Variants in LRRC4C observed in about 807,000 individuals in gnomAD.
The protein encoded by LRRC4C is leucine rich repeat containing 4C, also known as leucine-rich repeat-containing protein 4C.
LRRC4C carries 5 observed loss-of-function variants against 33.6 expected under a neutral mutation model. The ratio of observed to expected loss-of-function variants is 0.15; its 90% confidence interval spans 0.08 to 0.31. LRRC4C has a LOEUF of 0.31. Among genes scored for constraint, LRRC4C ranks in the 10% least tolerant of loss-of-function variants. LRRC4C has a pLI of 1.00. For missense variants in LRRC4C, 560 were observed against 796.7 expected, an observed-to-expected ratio of 0.70 and a Z score of 3.58; for synonymous variants, 329 against 302.0, an observed-to-expected ratio of 1.09 and a Z score of -0.93.
intron 5 of LRRC4C, among the ~76,000 whole-genome samples, chr11:40,222,505 T>A (rs1864491602): frequency 6.6e-6 from 1 of 152,210 alleles, no homozygotes; most frequent in South Asian, 2.1e-4. Flanking sequence ...TTAAATCTTC[T>A]TTATAAACTT....
chr11:40,306,166 T>G (rs1366697495), intron 4 of LRRC4C, among the ~76,000 whole-genome samples: 1 of 152,218 alleles, frequency 6.6e-6, no homozygotes, highest in African/African-American at 2.4e-5. Flanking sequence ...AAAACTATTT[T>G]TTGGAAGTAT....
intron 1 of LRRC4C, among the ~76,000 whole-genome samples, chr11:41,252,130 T>A (rs1403390516): frequency 1.3e-5 from 2 of 152,116 alleles, no homozygotes; most frequent in Non-Finnish European, 2.9e-5. Flanking sequence ...ATTCAAGACA[T>A]TGCAATAAGG....
At position 40,788,808 on chromosome 11, in the gene LRRC4C, A is replaced by G. The variant is rs561299802; in HGVS notation, c.-406-140530T>C. ...ACTAAAATTTCTGTAAAAAATGCAT[A>G]TTAGGCCGGGCACGGTGGCTCACGC... On this transcript the variant is annotated intron_variant, in intron 2 of 6. Transcript: ENST00000528697. 4.6e-5 allele frequency among the ~76,000 whole-genome samples: 7 copies of G among 152,234 alleles called. No homozygotes were observed. The East Asian group carries it at 1.2e-3, about 25-fold the overall frequency.
At chr11:40,913,698 A>C (rs1440302652) in intron 2 of LRRC4C, among the ~76,000 whole-genome samples, 2 of 152,232 alleles carry the variant, frequency 1.3e-5, no homozygotes, top group Non-Finnish European at 2.9e-5. Flanking sequence ...AACTAAGATC[A>C]GAGCAGAACT....
chr11:40,837,715 T>C (rs1030910775), intron 2 of LRRC4C, among the ~76,000 whole-genome samples: 8 of 148,200 alleles, frequency 5.4e-5, no homozygotes, highest in Admixed American at 2.7e-4. Context: ...GCCGGTATGG[T>C]GGTATGTGCC....
intron 5 of LRRC4C, among the ~76,000 whole-genome samples, chr11:40,207,019 G>A (rs1046894727): frequency 6.6e-6 from 1 of 152,112 alleles, no homozygotes; most frequent in Non-Finnish European, 1.5e-5. Flanking sequence ...AAGAAACAGT[G>A]ATGGCAGCCC....
rs1034808172 is a variant in LRRC4C, at chr11:40,905,072, C to T, written c.-407+28563G>A. Among the ~76,000 whole-genome samples, 6 of 152,100 alleles carry T rather than the reference C, an allele frequency of 3.9e-5. 1 individual carries two copies. The highest frequency in any genetic ancestry group is 4.1e-4 in the South Asian group (2 of 4,824). The stretch of plus-strand genomic sequence containing the variant: ...GGGAGTGAGAGAAAAGAGCCCAAGT[C>T]TGAAGTTGTACAGGAGTGTATATAT... On this transcript the variant is annotated intron_variant, in intron 2 of 6. Coordinates refer to ENST00000528697, the MANE Select transcript of LRRC4C (RefSeq NM_001258419.2).
intron 1 of LRRC4C, among the ~76,000 whole-genome samples, chr11:41,005,066 G>A (rs1165827734): frequency 6.6e-6 from 1 of 152,118 alleles, no homozygotes; most frequent in East Asian, 1.9e-4. Flanking sequence ...CTTAAAATGA[G>A]TGTTAGAAAT....
intron 2 of LRRC4C, among the ~76,000 whole-genome samples, chr11:40,750,419 G>C (rs1002828638): frequency 6.6e-6 from 1 of 151,926 alleles, no homozygotes; most frequent in Non-Finnish European, 1.5e-5. Flanking sequence ...AACTAACAAT[G>C]ATAGACTGGA....
intron 1 of LRRC4C, among the ~76,000 whole-genome samples, chr11:40,984,301 G>GAGAAGGAAAGAAAGA (rs1479235994): frequency 1.8e-4 from 26 of 146,508 alleles, no homozygotes; most frequent in African/African-American, 5.5e-4. Context: ...GAGAGAGAGA[G>GAGAAGGAAAGAAAGA]AGAAGGAAAG....
intron 2 of LRRC4C, among the ~76,000 whole-genome samples, chr11:40,678,169 G>T (rs11036012): frequency 0.061 from 9,245 of 151,438 alleles, 942 homozygotes; most frequent in African/African-American, 0.21. Flanking sequence ...GAATTAGGAG[G>T]TATAAGTACT....
At chr11:41,396,780 C>A (rs965915054) in intron 1 of LRRC4C, among the ~76,000 whole-genome samples, 2 of 151,796 alleles carry the variant, frequency 1.3e-5, no homozygotes, top group Non-Finnish European at 1.5e-5. Context: ...GAAACAGGCA[C>A]GGGCAAAGAT....
intron 5 of LRRC4C, among the ~76,000 whole-genome samples, chr11:40,181,746 G>C (rs1016596100): frequency 1.3e-5 from 2 of 152,176 alleles, no homozygotes; most frequent in Non-Finnish European, 2.9e-5. Flanking sequence ...GAGCTTAATA[G>C]GGAGTTAGAT....
chr11:40,920,444 T>C (rs1184078761), intron 2 of LRRC4C, among the ~76,000 whole-genome samples: 1 of 152,192 alleles, frequency 6.6e-6, no homozygotes, highest in East Asian at 1.9e-4. Flanking sequence ...CACATTCCTA[T>C]ACTAATGGGA....
chr11:40,181,112 A>T (rs542447257), intron 5 of LRRC4C, among the ~76,000 whole-genome samples: 6 of 152,278 alleles, frequency 3.9e-5, no homozygotes, highest in Admixed American at 3.9e-4. Flanking sequence ...TGTGCCTCAA[A>T]CTAAGACGCT....
At chr11:40,247,297 T>G (rs1866419113) in intron 4 of LRRC4C, among the ~76,000 whole-genome samples, 1 of 152,174 alleles carries the variant, frequency 6.6e-6, no homozygotes, top group Non-Finnish European at 1.5e-5. Flanking sequence ...ATTTTCCTAT[T>G]ATAAAGCTAT....
At chr11:41,458,032 G>T (rs1302598916) in intron 1 of LRRC4C, among the ~76,000 whole-genome samples, 1 of 152,090 alleles carries the variant, frequency 6.6e-6, no homozygotes, top group Middle Eastern at 3.4e-3. Flanking sequence ...AACGTTTTGA[G>T]TATGATGCCT....
In LRRC4C at chr11:40,241,041, C is replaced by T. The variant is rs750842713; in HGVS notation, c.-96+478G>A. ...GTTGTTTAGGCATAAAAATATGTTA[C>T]TTTTATAAAAGCCTTTTGGTTATGA... On this transcript the variant is annotated intron_variant, in intron 5 of 6. Coordinates refer to ENST00000528697, the MANE Select transcript of LRRC4C (RefSeq NM_001258419.2). 5.3e-5 allele frequency among the ~76,000 whole-genome samples: 8 copies of T among 152,106 alleles called. No individual in the cohort carries two copies. The South Asian group carries it at 8.3e-4, about 16-fold the overall frequency.
chr11:41,395,643 C>T (rs185572361), intron 1 of LRRC4C, among the ~76,000 whole-genome samples: 39 of 151,996 alleles, frequency 2.6e-4, no homozygotes, highest in African/African-American at 8.9e-4. Flanking sequence ...ATATCAAGAT[C>T]AAGGAATTGC....
Sources: gnomAD v4.1 joint callset for allele counts (sites outside exome capture counted in the v4.1 genomes callset) on GRCh38, gnomAD v4.1.1 for gene constraint, MANE v1.5 for transcripts, NCBI Gene and HGNC (gene_info 2026-07-23, HGNC 2026-07-21) for gene names.